Variants in BRWD1 observed in about 807,000 individuals in gnomAD.
BRWD1 encodes the protein bromodomain and WD repeat domain containing 1.
A neutral mutation model predicts 251.2 loss-of-function variants in BRWD1; 82 were observed. That is an observed-to-expected ratio of 0.33 (90% confidence interval 0.27 to 0.39). The LOEUF (loss-of-function observed/expected upper bound fraction) is 0.39. Ranked by LOEUF, BRWD1 falls within the 10% of genes least tolerant of loss-of-function variation. The pLI is 1.00. For missense variants in BRWD1, 2,233 were observed against 2,711.6 expected (o/e 0.82, Z 3.92); for synonymous variants, 918 against 902.8 (o/e 1.02, Z -0.30).
intron 27 of BRWD1, among the ~76,000 whole-genome samples, chr21:39,227,689 A>G (rs1183966662): frequency 1.3e-5 from 2 of 152,162 alleles, no homozygotes; most frequent in Non-Finnish European, 2.9e-5. Flanking sequence ...TTATTTCTTA[A>G]CAAAACAGTG....
Position 39,270,012 on chromosome 21 carries a change from C to G in BRWD1, c.1417G>C (p.Val473Leu). The G allele has an allele frequency of 6.3e-7, 1 of 1,582,620 alleles. No individual in the cohort carries two copies. The highest frequency in any genetic ancestry group is 2.3e-5 in the East Asian group (1 of 43,744). Residue 473 changes from valine (V) to leucine (L), a missense_variant, in exon 15 of 41, where the codon GTT (valine) becomes CTT (leucine). Transcript: ENST00000342449. ...GAATCAAAGGGATGTGTCTCCAGAA[C>G]AAATACTTCATCAGCATGTCCCTTT... ...NLMGHADEVF[V>L]LETHPFDSRI... is the part of the protein sequence containing the mutation.
At chr21:39,207,834 C>G (rs1480681094) in intron 36 of BRWD1, among the ~76,000 whole-genome samples, 2 of 152,192 alleles carry the variant, frequency 1.3e-5, no homozygotes, top group Admixed American at 1.3e-4. Flanking sequence ...GAATAAAGTT[C>G]TGATACATGC....
intron 40 of BRWD1, 51 bp from the exon 41 acceptor site, chr21:39,197,466 T>C: frequency 1.4e-6 from 2 of 1,404,364 alleles, no homozygotes; most frequent in Non-Finnish European, 1.9e-6. Flanking sequence ...TCTAAAGGAA[T>C]TATATGTTCA....
chr21:39,259,568 G>T (rs1411658304), intron 17 of BRWD1, among the ~76,000 whole-genome samples: 2 of 152,120 alleles, frequency 1.3e-5, no homozygotes, highest in Non-Finnish European at 2.9e-5. Context: ...AAAGTGCTGG[G>T]ATTACAGCCG....
intron 11 of BRWD1, 64 bp from the exon 12 acceptor site, chr21:39,276,277 T>C (rs971955275): frequency 2.7e-6 from 4 of 1,482,212 alleles, no homozygotes; most frequent in South Asian, 2.5e-5. Flanking sequence ...TTTGAAAAAA[T>C]GAAGTTTTAA....
At chr21:39,202,264 A>C in intron 38 of BRWD1, 61 bp downstream of exon 38, 34 of 1,220,134 alleles carry the variant, frequency 2.8e-5, no homozygotes, top group Non-Finnish European at 3.6e-5. Flanking sequence ...ATCTCTAGTA[A>C]CGGCCAGTGT....
chr21:39,215,911 G>C (rs1241628290), intron 31 of BRWD1, among the ~76,000 whole-genome samples: 1 of 152,088 alleles, frequency 6.6e-6, no homozygotes, highest in Non-Finnish European at 1.5e-5. Flanking sequence ...GAGGTGGGAG[G>C]ATTGCTTGAG....
chr21:39,260,198 A>G (rs1312987090), intron 17 of BRWD1, among the ~76,000 whole-genome samples: 1 of 152,264 alleles, frequency 6.6e-6, no homozygotes, highest in Non-Finnish European at 1.5e-5. Context: ...AGAATTGCTT[A>G]TAACACAAAA....
chr21:39,320,574 A>G (rs762432908), intron 1 of BRWD1, among the ~76,000 whole-genome samples: 30 of 151,718 alleles, frequency 2.0e-4, no homozygotes, highest in Non-Finnish European at 3.7e-4. Context: ...GGCTCAAGCA[A>G]TCCTCTGGCT....
intron 11 of BRWD1, 56 bp from the exon 12 acceptor site, chr21:39,276,269 T>G (rs2035278871): frequency 4.7e-6 from 7 of 1,498,348 alleles, no homozygotes; most frequent in Non-Finnish European, 6.3e-6. Flanking sequence ...TCTGTGAATT[T>G]GAAAAAATGA....
At chr21:39,253,683 C>T (rs1474005154) in intron 19 of BRWD1, among the ~76,000 whole-genome samples, 1 of 152,120 alleles carries the variant, frequency 6.6e-6, no homozygotes, top group Non-Finnish European at 1.5e-5. Context: ...TATATAAGTA[C>T]TATCTAATAA....
intron 19 of BRWD1, among the ~76,000 whole-genome samples, chr21:39,252,485 C>T (rs943791570): frequency 4.6e-5 from 7 of 152,140 alleles, no homozygotes; most frequent in African/African-American, 1.7e-4. Flanking sequence ...TACTCTTCAT[C>T]CTTATCAAAT....
intron 20 of BRWD1, among the ~76,000 whole-genome samples, chr21:39,248,515 A>G (rs2034274927): frequency 6.6e-6 from 1 of 151,686 alleles, no homozygotes. Flanking sequence ...GTACACAGCT[A>G]CAGTCCCAGC....
rs529805025 is a variant in BRWD1 at position 39,232,704 on chromosome 21, T to C, written c.2767-206A>G. Among the ~76,000 whole-genome samples the C allele has an allele frequency of 1.1e-4, 17 of 152,334 alleles. No individual in the cohort carries two copies. The South Asian group carries it at 3.3e-3, about 30-fold the overall frequency. On this transcript the variant is annotated intron_variant, in intron 23 of 40. Coordinates refer to ENST00000342449, the MANE Select transcript of BRWD1 (RefSeq NM_033656.4). ...AAGCATTGTAAATCTACCTAACATT[T>C]TCCTAGCATCATCTCCTAAATTTCT... is the stretch of plus-strand genomic sequence containing the variant.
chr21:39,297,764 G>C, intron 5 of BRWD1: 2 of 588,190 alleles, frequency 3.4e-6, no homozygotes, highest in Non-Finnish European at 4.3e-6. Flanking sequence ...ATAATCATGG[G>C]ATGAACTTGA....
chr21:39,274,264 T>C, intron 13 of BRWD1, 110 bp downstream of exon 13: 1 of 826,386 alleles, frequency 1.2e-6, no homozygotes, highest in Non-Finnish European at 2.0e-6. Context: ...AAGGTAGCTA[T>C]AATCCCCTCA....
In BRWD1 at chr21:39,190,941, A is replaced by G; in HGVS notation, c.*5318T>C. 32 of 985,316 alleles carry G rather than the reference A, an allele frequency of 3.2e-5. No individual in the cohort carries two copies. The highest frequency in any genetic ancestry group is 3.9e-5 in the Non-Finnish European group (32 of 829,834). 61.0% of individuals were successfully genotyped at this position (985,316 alleles called of 1,614,324 possible). On this transcript the variant is annotated 3_prime_UTR_variant, in exon 41 of 41. Transcript: ENST00000342449. Reference sequence around the variant, plus strand: ...CTTATTCTGGAACTACAACTAATCTAGCTCATCACAATACAGTTTTCTCTC... The same window carrying G: ...CTTATTCTGGAACTACAACTAATCTGGCTCATCACAATACAGTTTTCTCTC...
intron 8 of BRWD1, among the ~76,000 whole-genome samples, chr21:39,282,845 A>G (rs2410122): frequency 0.98 from 148,527 of 151,984 alleles, 72,587 homozygotes; most frequent in East Asian, 1. Flanking sequence ...TGTAATCCCA[A>G]CTACTCGGGA....
chr21:39,249,910 AGG>A (rs71184668), intron 20 of BRWD1, among the ~76,000 whole-genome samples: 13,370 of 65,690 alleles, frequency 0.2, 694 homozygotes, highest in Non-Finnish European at 0.23. Context: ...CAAAAAAAGA[AGG>A]GGGGTGTGTG....
Sources: allele counts gnomAD v4.1 joint callset (sites outside exome capture counted in the v4.1 genomes callset), GRCh38; gene constraint gnomAD v4.1.1; transcripts MANE v1.5; gene names NCBI Gene and HGNC (gene_info 2026-07-23, HGNC 2026-07-21).